The following TBC1D5 variants were observed in gnomAD, a reference collection of about 807,000 sequenced individuals.
TBC1D5 encodes the protein TBC1 domain family, member 5.
TBC1D5 carries 75 observed loss-of-function variants against 100.3 expected under a neutral mutation model. The ratio of observed to expected loss-of-function variants is 0.75; its 90% CI spans 0.62 to 0.91. The LOEUF (loss-of-function observed/expected upper bound fraction) is 0.91, where lower values mean the gene tolerates loss of function less well. TBC1D5 is among the 40% of genes least tolerant of loss of function. The probability of loss-of-function intolerance (pLI) is 0.00; values close to 1 mark genes in which losing one functional copy is unlikely to be tolerated. For missense variants in TBC1D5, 910 were observed against 942.4 expected, an observed-to-expected ratio of 0.97 and a Z score of 0.45; for synonymous variants, 323 against 325.6, an observed-to-expected ratio of 0.99 and a Z score of 0.09.
At chr3:17,163,535 A>G (rs1228862835) in intron 21 of TBC1D5, among the ~76,000 whole-genome samples, 2 of 152,182 alleles carry the variant, frequency 1.3e-5, no homozygotes, top group Admixed American at 1.3e-4. Context: ...CACAATTAGA[A>G]AAGTTTTCAA....
intron 3 of TBC1D5, among the ~76,000 whole-genome samples, chr3:17,449,640 C>A (rs1486832302): frequency 6.6e-6 from 1 of 152,194 alleles, no homozygotes; most frequent in Admixed American, 6.5e-5. Flanking sequence ...TGGGAACCCA[C>A]TGCAGTGCAG....
chr3:17,435,452 A>T (rs2094518715), intron 3 of TBC1D5, among the ~76,000 whole-genome samples: 1 of 152,212 alleles, frequency 6.6e-6, no homozygotes, highest in Non-Finnish European at 1.5e-5. Context: ...TGGAAGGGGA[A>T]GCAAATATGT....
intron 18 of TBC1D5, among the ~76,000 whole-genome samples, chr3:17,208,087 G>A (rs2072469071): frequency 6.6e-6 from 1 of 152,190 alleles, no homozygotes; most frequent in Non-Finnish European, 1.5e-5. Context: ...CATCACACTG[G>A]CCTGGAAACG....
At chr3:17,367,510 C>T (rs2092219634) in intron 13 of TBC1D5, among the ~76,000 whole-genome samples, 1 of 152,174 alleles carries the variant, frequency 6.6e-6, no homozygotes, top group South Asian at 2.1e-4. Context: ...GTTTATAGAA[C>T]CTAATTTTTT....
intron 15 of TBC1D5, among the ~76,000 whole-genome samples, chr3:17,275,142 A>G (rs1293973007): frequency 6.6e-6 from 1 of 152,184 alleles, no homozygotes; most frequent in Non-Finnish European, 1.5e-5. Flanking sequence ...ACCAATTTTA[A>G]TAACAATGAG....
intron 3 of TBC1D5, among the ~76,000 whole-genome samples, chr3:17,481,950 A>G (rs2095507083): frequency 6.6e-6 from 1 of 152,226 alleles, no homozygotes; most frequent in Non-Finnish European, 1.5e-5. Flanking sequence ...TATGTTCGCC[A>G]GGGTGGTCTC....
chr3:17,406,268 C>G (rs2093766885), intron 5 of TBC1D5, 150 bp downstream of exon 5: 1 of 631,990 alleles, frequency 1.6e-6, no homozygotes, highest in African/African-American at 1.9e-5. Flanking sequence ...TAGTAAATGT[C>G]CTATGAAAGA....
chr3:17,372,877 GA>G (rs2092536608), intron 12 of TBC1D5, among the ~76,000 whole-genome samples: 1 of 152,120 alleles, frequency 6.6e-6, no homozygotes, highest in Non-Finnish European at 1.5e-5. Flanking sequence ...GGTATATGAA[GA>G]AATACTTTAT....
rs780702837 is a variant in TBC1D5 at position 17,511,569 on chromosome 3, G to A, written c.-35-2964C>T. ...TTAAACCCTCATCTTTATGTTGTCA[G>A]AAGAAAATACTCTACCACACAATGA... On this transcript the variant is annotated intron_variant, in intron 2 of 21. Coordinates refer to ENST00000253692, the Ensembl canonical transcript of TBC1D5. Among the ~76,000 whole-genome samples, 55 of 151,926 alleles carry A rather than the reference G, an allele frequency of 3.6e-4. 1 individual carries two copies. The highest frequency in any genetic ancestry group is 5.5e-4 in the Non-Finnish European group (37 of 67,830).
At chr3:17,175,412 C>T (rs966293613) in intron 19 of TBC1D5, among the ~76,000 whole-genome samples, 3 of 152,108 alleles carry the variant, frequency 2.0e-5, no homozygotes, top group South Asian at 2.1e-4. Context: ...TCACCCTGTG[C>T]GCCAGAGAGT....
At chr3:17,164,558 G>A (rs1254024242) in intron 21 of TBC1D5, among the ~76,000 whole-genome samples, 1 of 152,214 alleles carries the variant, frequency 6.6e-6, no homozygotes, top group African/African-American at 2.4e-5. Context: ...GGCTGTGGAA[G>A]CCTTCGGAAC....
chr3:17,233,789 A>T lies in TBC1D5; in HGVS notation c.1588+4374T>A, dbSNP rs1474089579. 2.2e-6 allele frequency: 3 copies of T among 1,342,180 alleles called. No homozygotes were observed. In the South Asian group the frequency reaches 3.9e-5, roughly 17 times the overall value. 83.1% of individuals were successfully genotyped at this position (1,342,180 alleles called of 1,614,324 possible). On this transcript the variant is annotated intron_variant, in intron 17 of 21. Coordinates refer to ENST00000253692, the Ensembl canonical transcript of TBC1D5. ...GAAAAAATAATTAGATTTCATAAAA[A>T]GGAAATAATCAACTTCACTTTTCTT... is the stretch of plus-strand genomic sequence containing the variant.
intron 19 of TBC1D5, 118 bp from the exon 21 acceptor site, chr3:17,167,946 C>T: frequency 1.4e-6 from 1 of 701,244 alleles, no homozygotes; most frequent in Middle Eastern, 2.5e-4. Flanking sequence ...GCAACTACTC[C>T]CACAAAAGAT....
At chr3:17,394,714 T>C (rs2093449728) in intron 8 of TBC1D5, among the ~76,000 whole-genome samples, 1 of 152,090 alleles carries the variant, frequency 6.6e-6, no homozygotes, top group Non-Finnish European at 1.5e-5. Flanking sequence ...TGACAAGTGA[T>C]CTCTCAAGTA....
chr3:17,486,658 AG>A, intron 3 of TBC1D5, among the ~76,000 whole-genome samples: 1 of 152,228 alleles, frequency 6.6e-6, no homozygotes, highest in Non-Finnish European at 1.5e-5. Flanking sequence ...AAACTTAAAC[AG>A]AGGAAAGATT....
intron 20 of TBC1D5, 75 bp downstream of exon 21, chr3:17,167,674 G>T: frequency 7.5e-7 from 1 of 1,333,056 alleles, no homozygotes; most frequent in South Asian, 1.2e-5. Flanking sequence ...CTAACATCAT[G>T]GTGCTCCATG....
rs1457430013 is a variant in TBC1D5 at position 17,284,111 on chromosome 3, C to CACACACACACACACACAT, written c.1245+7783_1245+7784insATGTGTGTGTGTGTGTGT. Among the ~76,000 whole-genome samples the CACACACACACACACACAT allele has an allele frequency of 3.3e-3, 495 of 150,970 alleles. 2 individuals are homozygous for CACACACACACACACACAT. The highest frequency in any genetic ancestry group is 0.012 in the African/African-American group (471 of 40,764). On this transcript the variant is annotated intron_variant, in intron 15 of 21. Coordinates refer to ENST00000253692, the Ensembl canonical transcript of TBC1D5. ...TTTTACACACACACACACACACACA[C>CACACACACACACACACAT]ACACACACACACGTATTTTTAATTT... is the stretch of plus-strand genomic sequence containing the variant.
chr3:17,279,170 A>AT (rs2080326435), intron 15 of TBC1D5, among the ~76,000 whole-genome samples: 1 of 152,148 alleles, frequency 6.6e-6, no homozygotes, highest in Non-Finnish European at 1.5e-5. Flanking sequence ...TGAAGCACAC[A>AT]TTTTTTTACA....
intron 17 of TBC1D5, among the ~76,000 whole-genome samples, 181 bp from the exon 19 acceptor site, chr3:17,214,551 C>CA (rs1166480933): frequency 1.3e-5 from 2 of 149,328 alleles, no homozygotes; most frequent in East Asian, 2.0e-4. Context: ...CACTGGTTTT[C>CA]AAAAAAACAG....
Sources: allele counts gnomAD v4.1 joint callset (sites outside exome capture counted in the v4.1 genomes callset), GRCh38; gene constraint gnomAD v4.1.1; transcripts MANE v1.5; gene names NCBI Gene and HGNC (gene_info 2026-07-23, HGNC 2026-07-21).